NRXN3: variants seen among roughly 807,000 people sequenced by gnomAD.
NRXN3 encodes neurexin III.
Under a neutral mutation model 137.6 loss-of-function variants are expected in NRXN3, and 32 were observed. The ratio of observed to expected loss-of-function variants is 0.23; its 90% CI spans 0.18 to 0.31. The LOEUF is 0.31. NRXN3 is among the 10% of genes least tolerant of loss of function. NRXN3 has a pLI of 1.00. For synonymous variants in NRXN3, 798 were observed against 784.5 expected, an observed-to-expected ratio of 1.02 and a Z score of -0.29; for missense variants, 1,574 against 2,062.5, an observed-to-expected ratio of 0.76 and a Z score of 4.59.
At chr14:79,498,517 A>G (rs1425829075) in intron 16 of NRXN3, among the ~76,000 whole-genome samples, 1 of 152,196 alleles carries the variant, frequency 6.6e-6, no homozygotes, top group Non-Finnish European at 1.5e-5. Context: ...CTCCTTACAG[A>G]GTGATCCTTG....
At chr14:79,467,041 T>C (rs1405095001) in intron 15 of NRXN3, among the ~76,000 whole-genome samples, 180 bp from the exon 16 acceptor site, 1 of 152,204 alleles carries the variant, frequency 6.6e-6, no homozygotes, top group East Asian at 1.9e-4. Context: ...CCTGCATCTT[T>C]AATTTGGGGT....
intron 15 of NRXN3, among the ~76,000 whole-genome samples, chr14:79,037,112 G>T (rs1291347996): frequency 6.6e-6 from 1 of 152,048 alleles, no homozygotes; most frequent in African/African-American, 2.4e-5. Flanking sequence ...GGAAGGGAGT[G>T]CTCTAGCTTC....
chr14:79,540,139 A>C (rs2097258182), intron 16 of NRXN3, among the ~76,000 whole-genome samples: 1 of 152,086 alleles, frequency 6.6e-6, no homozygotes, highest in Non-Finnish European at 1.5e-5. Flanking sequence ...TATTCCCTTA[A>C]ATGGGTAAAA....
At chr14:78,942,080 T>G (rs567697290) in intron 10 of NRXN3, among the ~76,000 whole-genome samples, 1 of 152,302 alleles carries the variant, frequency 6.6e-6, no homozygotes, top group South Asian at 2.1e-4. Context: ...GAAAGTGTGA[T>G]GGGGAGCCAA....
intron 16 of NRXN3, among the ~76,000 whole-genome samples, chr14:79,560,513 T>C (rs2097484046): frequency 8.3e-6 from 1 of 120,504 alleles, no homozygotes; most frequent in African/African-American, 3.1e-5. Flanking sequence ...GCTTTTTTTT[T>C]TTTTTTTTTT....
chr14:79,404,073 G>T (rs1011318575), intron 15 of NRXN3, among the ~76,000 whole-genome samples: 1 of 152,146 alleles, frequency 6.6e-6, no homozygotes. Context: ...GACACCAAAA[G>T]CGATTACAAC....
At chr14:78,393,019 G>T (rs1219411561) in intron 4 of NRXN3, among the ~76,000 whole-genome samples, 1 of 152,128 alleles carries the variant, frequency 6.6e-6, no homozygotes, top group Non-Finnish European at 1.5e-5. Flanking sequence ...CTGATGATGA[G>T]TTAGGAGAAA....
intron 15 of NRXN3, among the ~76,000 whole-genome samples, chr14:79,399,748 A>C (rs1444455782): frequency 6.6e-6 from 1 of 152,214 alleles, no homozygotes; most frequent in African/African-American, 2.4e-5. Flanking sequence ...TTGCCCTGAC[A>C]AATTGTGAAA....
At chr14:78,192,107 T>TGAGA (rs3220428) in intron 1 of NRXN3, among the ~76,000 whole-genome samples, 1,962 of 140,442 alleles carry the variant, frequency 0.014, 36 homozygotes, top group African/African-American at 0.036. Context: ...TGTGTGTGTG[T>TGAGA]GAGAGAGAGA....
At chr14:78,690,132 G>A (rs1221548045) in intron 6 of NRXN3, among the ~76,000 whole-genome samples, 1 of 151,900 alleles carries the variant, frequency 6.6e-6, no homozygotes, top group Non-Finnish European at 1.5e-5. Context: ...TATTTTCTGG[G>A]TTACCTCCAT....
At chr14:78,302,046 C>A (rs2076924911) in intron 4 of NRXN3, among the ~76,000 whole-genome samples, 1 of 152,140 alleles carries the variant, frequency 6.6e-6, no homozygotes, top group Admixed American at 6.5e-5. Context: ...TCCACTGACG[C>A]TACTTAGTGG....
chr14:78,326,226 G>C (rs1292334704), intron 4 of NRXN3, among the ~76,000 whole-genome samples: 1 of 152,180 alleles, frequency 6.6e-6, no homozygotes, highest in Non-Finnish European at 1.5e-5. Flanking sequence ...AGGTGCCAGA[G>C]ACACGAGTAC....
At chr14:79,194,167 G>A (rs760607004) in intron 15 of NRXN3, among the ~76,000 whole-genome samples, 7 of 152,076 alleles carry the variant, frequency 4.6e-5, no homozygotes, top group African/African-American at 7.2e-5. Flanking sequence ...TAAAACTTTC[G>A]TTTGACTCAG....
intron 11 of NRXN3, among the ~76,000 whole-genome samples, chr14:78,961,823 C>G (rs1340631122): frequency 6.6e-6 from 1 of 152,142 alleles, no homozygotes; most frequent in Non-Finnish European, 1.5e-5. Context: ...TTGAACCTGG[C>G]CAGAATTTTC....
At chr14:79,715,397 C>T (rs2098820297) in intron 19 of NRXN3, among the ~76,000 whole-genome samples, 1 of 152,180 alleles carries the variant, frequency 6.6e-6, no homozygotes, top group Non-Finnish European at 1.5e-5. Context: ...AAGTATTTTT[C>T]CTCTAAAAGA....
At chr14:78,270,890 A>G (rs1374480224) in intron 2 of NRXN3, among the ~76,000 whole-genome samples, 1 of 152,262 alleles carries the variant, frequency 6.6e-6, no homozygotes, top group African/African-American at 2.4e-5. Context: ...GATTTTGTCC[A>G]TAAGAAACAC....
In NRXN3 at chr14:79,707,747, G is replaced by A. The variant is rs1010566713; in HGVS notation, c.4014+9810G>A. Among the ~76,000 whole-genome samples the A allele has an allele frequency of 2.6e-5, 4 of 152,110 alleles. No homozygotes were observed. The East Asian group carries it at 7.7e-4, about 29-fold the overall frequency. ...CTATGCTCTTTCCTCAGAAAAGAAA[G>A]TTTTATTTTAACATTATCTAGCATA... On this transcript the variant is annotated intron_variant, in intron 19 of 20. Transcript: ENST00000335750.
chr14:79,274,661 T>C (rs566037475), intron 15 of NRXN3, among the ~76,000 whole-genome samples: 1 of 152,204 alleles, frequency 6.6e-6, no homozygotes, highest in Non-Finnish European at 1.5e-5. Context: ...TAACTTCATT[T>C]GGAGTTCAAA....
intron 15 of NRXN3, among the ~76,000 whole-genome samples, chr14:79,040,951 A>G (rs2099624072): frequency 6.6e-6 from 1 of 152,074 alleles, no homozygotes; most frequent in Non-Finnish European, 1.5e-5. Context: ...CTAGTTAGGC[A>G]AGTCCCATTT....
Sources: allele counts gnomAD v4.1 joint callset (sites outside exome capture counted in the v4.1 genomes callset), GRCh38; gene constraint gnomAD v4.1.1; transcripts MANE v1.5; gene names NCBI Gene and HGNC (gene_info 2026-07-23, HGNC 2026-07-21).